Variants in ZNF444 observed in about 807,000 individuals in gnomAD.
ZNF444 encodes zinc finger protein 444.
Under a neutral mutation model 14.4 loss-of-function variants are expected in ZNF444, and 8 were observed. That is an observed-to-expected ratio of 0.56 (90% CI 0.33 to 1.00). The LOEUF (loss-of-function observed/expected upper bound fraction) is 1.00. Among genes scored for constraint, ZNF444 ranks in the 50% least tolerant of loss-of-function variants. The pLI is 0.03. For synonymous variants in ZNF444, 258 were observed against 235.9 expected (o/e 1.09, Z -0.86); for missense variants, 510 against 504.8 (o/e 1.01, Z -0.10).
rs1234073720 is a variant in ZNF444, at chr19:56,146,922, C to T, written c.11C>T (p.Ala4Val). 3 of 1,432,540 alleles carry T rather than the reference C, an allele frequency of 2.1e-6. No homozygotes were observed. Among genetic ancestry groups the T allele is most frequent in the Non-Finnish European group, 2.7e-6 (3 of 1,102,450 alleles). The allele number at this position is 1,432,540 out of a possible 1,614,324, so 88.7% of individuals were successfully genotyped here. A position where few individuals can be genotyped will look rare whatever the true frequency, so the allele number is the denominator to read the frequency against. MEVAVPVKQEAEGL... is the reference protein window; with the variant it reads MEVVVPVKQEAEGL... Reference sequence around the variant, plus strand: ...GGTCCGGGAGGCCCCATGGAGGTGGCGGTGCCCGTGAAGCAGGAGGCCGAG... The same window carrying T: ...GGTCCGGGAGGCCCCATGGAGGTGGTGGTGCCCGTGAAGCAGGAGGCCGAG... Residue 4 changes from alanine to valine, a missense_variant, in exon 3 of 5, where the codon GCG (alanine) becomes GTG (valine). Physicochemically the swap from Ala to Val is moderately conservative, Grantham distance 64. Transcript: ENST00000337080.
rs1417407840 is a variant in ZNF444, at chr19:56,150,458, T to C, written c.297+3250T>C. 1.1e-5 allele frequency: 4 copies of C among 358,810 alleles called. No individual in the cohort carries two copies. In the East Asian group the frequency reaches 2.9e-4, roughly 26 times the overall value. The allele number at this position is 358,810 out of a possible 1,614,324, so 22.2% of individuals were successfully genotyped here. A position where few individuals can be genotyped will look rare whatever the true frequency, so the allele number is the denominator to read the frequency against. ...GTGGCTCTGGGATGTCTTTAGCATC[T>C]CTCTTGTATCTGTTACTCTCTCTTT... On this transcript the variant is annotated intron_variant, in intron 3 of 4. Coordinates refer to ENST00000337080, the MANE Select transcript of ZNF444 (RefSeq NM_018337.4).
intron 1 of ZNF444, chr19:56,142,300 T>G (rs1376138638): frequency 1.3e-5 from 2 of 152,164 alleles, no homozygotes; most frequent in African/African-American, 2.4e-5. Flanking sequence ...ATACAGGGTA[T>G]TACAAAAGGT....
intron 3 of ZNF444, among the ~76,000 whole-genome samples, chr19:56,153,175 TCA>T (rs1055240678): frequency 8.5e-5 from 13 of 152,166 alleles, no homozygotes; most frequent in Non-Finnish European, 1.8e-4. Context: ...CATTTGGGAA[TCA>T]CAGCCTCCAT....
upstream of ZNF444, among the ~76,000 whole-genome samples, chr19:56,139,828 T>C (rs927974981): frequency 5.9e-5 from 9 of 152,068 alleles, no homozygotes; most frequent in African/African-American, 1.4e-4. Context: ...AGGAACAAAT[T>C]TCTTCGCAAG....
intron 3 of ZNF444, chr19:56,150,556 G>A (rs2031513773): frequency 2.4e-6 from 1 of 415,948 alleles, no homozygotes; most frequent in Non-Finnish European, 4.8e-6. Flanking sequence ...ACACTGCCGT[G>A]AGTGATGGAA....
At chr19:56,152,739 G>T (rs2031662829) in intron 3 of ZNF444, among the ~76,000 whole-genome samples, 1 of 152,092 alleles carries the variant, frequency 6.6e-6, no homozygotes, top group African/African-American at 2.4e-5. Context: ...TCTCCTGCTG[G>T]TTCACAGATG....
At chr19:56,156,647 T>A (rs888694977) in intron 3 of ZNF444, 3 of 152,210 alleles carry the variant, frequency 2.0e-5, no homozygotes, top group Admixed American at 6.5e-5. Flanking sequence ...AGGGAGAGAC[T>A]CTTTTTCTGA....
upstream of ZNF444, among the ~76,000 whole-genome samples, chr19:56,139,261 C>T (rs2030683686): frequency 6.6e-6 from 1 of 152,028 alleles, no homozygotes; most frequent in South Asian, 2.1e-4. Flanking sequence ...GGAAGCATGA[C>T]AGTGTCTAAA....
At chr19:56,134,515 G>A (rs534847394) in intron 1 of ZNF444, among the ~76,000 whole-genome samples, 5 of 152,304 alleles carry the variant, frequency 3.3e-5, no homozygotes, top group South Asian at 2.1e-4. Flanking sequence ...GGGGCTCTGC[G>A]GAAGCTCCAG....
At chr19:56,158,395 CA>C in intron 3 of ZNF444, 98 bp from the exon 4 acceptor site, 1 of 1,135,468 alleles carries the variant, frequency 8.8e-7, no homozygotes. Flanking sequence ...TTCCTCCCAG[CA>C]GGGATGGGAT....
intron 3 of ZNF444, among the ~76,000 whole-genome samples, chr19:56,152,069 C>T (rs890046304): frequency 2.0e-5 from 3 of 152,062 alleles, no homozygotes; most frequent in Non-Finnish European, 4.4e-5. Flanking sequence ...TGGTGGCTCA[C>T]GCCTGTCATC....
chr19:56,136,587 C>A (rs575311652), upstream of ZNF444, among the ~76,000 whole-genome samples: 97 of 152,232 alleles, frequency 6.4e-4, no homozygotes, highest in African/African-American at 2.3e-3. Flanking sequence ...GGTAGCCTTC[C>A]GAGTGCTTTG....
chr19:56,158,648 G>A (rs376473603), intron 4 of ZNF444, 46 bp downstream of exon 4: 261 of 1,502,484 alleles, frequency 1.7e-4, no homozygotes, highest in East Asian at 2.4e-4. Flanking sequence ...CCCCAGCACC[G>A]GGGAGGGGGT....
chr19:56,155,041 A>T lies in ZNF444; in HGVS notation c.298-3453A>T, dbSNP rs1001328928. On this transcript the variant is annotated intron_variant, in intron 3 of 4. Transcript: ENST00000337080. Reference sequence around the variant, plus strand: ...TTGGCTTCCTCAGCTGCAATTTTGGAATCTCGATTCCTGAGCCCTCCAGGG... The same window carrying T: ...TTGGCTTCCTCAGCTGCAATTTTGGTATCTCGATTCCTGAGCCCTCCAGGG... 2.0e-5 allele frequency: 3 copies of T among 152,320 alleles called. No individual in the cohort carries two copies. The East Asian group carries it at 5.8e-4, about 29-fold the overall frequency. 9.4% of individuals were successfully genotyped at this position (152,320 alleles called of 1,614,324 possible).
intron 3 of ZNF444, among the ~76,000 whole-genome samples, chr19:56,149,390 A>C (rs1265152146): frequency 2.7e-4 from 20 of 73,118 alleles, no homozygotes; most frequent in African/African-American, 4.3e-4. Context: ...CTCTGCTTCC[A>C]TCCCCCATCA....
chr19:56,158,654 G>T (rs755819224), intron 4 of ZNF444, 52 bp downstream of exon 4: 4 of 1,461,024 alleles, frequency 2.7e-6, no homozygotes, highest in East Asian at 2.5e-5. Context: ...CACCGGGGAG[G>T]GGGTTCAGTG....
chr19:56,156,745 A>G (rs1321710152), intron 3 of ZNF444: 1 of 152,190 alleles, frequency 6.6e-6, no homozygotes, highest in Non-Finnish European at 1.5e-5. Context: ...CCCAATGTAT[A>G]CGTATCATAA....
Position 56,158,536 on chromosome 19 carries a change from C to G in ZNF444, c.340C>G (p.Pro114Ala), listed in dbSNP as rs149328297. 1.9e-6 allele frequency: 3 copies of G among 1,611,806 alleles called. No individual in the cohort carries two copies. The South Asian group carries it at 3.3e-5, about 18-fold the overall frequency. Reference protein sequence around the residue: ...SPDGSSATRVPQDVTQGPGAT... With the variant: ...SPDGSSATRVAQDVTQGPGAT... ...CGATGGGTCGTCAGCAACGAGGGTG[C>G]CTCAGGATGTGACGCAGGGCCCTGG... The change falls in exon 4 of 5, where the codon CCT becomes GCT. Residue 114 changes from proline to alanine, a missense_variant. Pro to Ala is a conservative substitution (Grantham distance 27, BLOSUM62 -1). Transcript: ENST00000337080.
rs1262530866 is a variant in ZNF444, at chr19:56,145,186, A to C, written c.-196-1061A>C. 1.3e-5 allele frequency among the ~76,000 whole-genome samples: 2 copies of C among 152,280 alleles called. No individual in the cohort carries two copies. Among genetic ancestry groups the C allele is most frequent in the Non-Finnish European group, 2.9e-5 (2 of 68,050 alleles). ...AGGACTCCTTTCTGCCTTCAAAATT[A>C]CTGAAGACCCTAACATGCTTTTATT... On this transcript the variant is annotated intron_variant, in intron 1 of 4. Coordinates refer to ENST00000337080, the MANE Select transcript of ZNF444 (RefSeq NM_018337.4). The surrounding 1 kb of genome is among the most constrained non-coding windows in gnomAD (Gnocchi z 4.3).
Sources: gnomAD v4.1 joint callset for allele counts (sites outside exome capture counted in the v4.1 genomes callset) on GRCh38, gnomAD v4.1.1 for gene constraint, Gnocchi (gnomAD v3.1) non-coding constraint, MANE v1.5 for transcripts, NCBI Gene and HGNC (gene_info 2026-07-23, HGNC 2026-07-21) for gene names.